The following AHCTF1 variants were observed in gnomAD, a reference collection of about 807,000 sequenced individuals.
The protein encoded by AHCTF1 is protein ELYS.
A neutral mutation model predicts 248.4 loss-of-function variants in AHCTF1; 24 were observed. The ratio of observed to expected loss-of-function variants is 0.10; its 90% CI spans 0.07 to 0.14. The LOEUF is 0.14. Among genes scored for constraint, AHCTF1 ranks in the 10% least tolerant of loss-of-function variants. The pLI, the probability that AHCTF1 is intolerant of heterozygous loss-of-function variation, is 1.00. For synonymous variants in AHCTF1, 786 were observed against 929.8 expected (o/e 0.85, Z 2.81); for missense variants, 2,206 against 2,636.2 (o/e 0.84, Z 3.57).
intron 30 of AHCTF1, among the ~76,000 whole-genome samples, chr1:246,856,741 G>C (rs930914215): frequency 1.3e-5 from 2 of 152,108 alleles, no homozygotes; most frequent in African/African-American, 4.8e-5. Context: ...TTTCCATGCA[G>C]GCCTGGCAAA....
chr1:246,843,239 G>A lies in AHCTF1; in HGVS notation c.6526-463C>T, dbSNP rs147084849. Among the ~76,000 whole-genome samples, 636 of 152,342 alleles carry A rather than the reference G, an allele frequency of 4.2e-3. 2 individuals are homozygous for A. The highest frequency in any genetic ancestry group is 7.3e-3 in the Non-Finnish European group (494 of 68,032). ...TGCCATTTACTCTGTTGGGAGGAATGCCTGTCTCCTCTAACCTCGGTCTAT... is the reference window on the plus strand; with the variant it reads ...TGCCATTTACTCTGTTGGGAGGAATACCTGTCTCCTCTAACCTCGGTCTAT... On this transcript the variant is annotated intron_variant, in intron 34 of 35. Transcript: ENST00000648844.
chr1:246,909,983 A>C (rs1665685436), intron 4 of AHCTF1, among the ~76,000 whole-genome samples: 1 of 152,250 alleles, frequency 6.6e-6, no homozygotes, highest in African/African-American at 2.4e-5. Flanking sequence ...GACAGACTTT[A>C]AAAAGGAAGG....
At chr1:246,842,590 TAAATA>T (rs1260232735) in intron 35 of AHCTF1, 99 bp downstream of exon 35, 1 of 890,850 alleles carries the variant, frequency 1.1e-6, no homozygotes, top group African/African-American at 1.8e-5. Flanking sequence ...TCAAAAAAAA[TAAATA>T]AAAATAAAAT....
At chr1:246,915,640 A>T (rs1026636593) in intron 3 of AHCTF1, among the ~76,000 whole-genome samples, 3 of 152,202 alleles carry the variant, frequency 2.0e-5, no homozygotes, top group Admixed American at 6.5e-5. Flanking sequence ...TTCTCCCACT[A>T]GACTATAAGC....
intron 8 of AHCTF1, among the ~76,000 whole-genome samples, chr1:246,900,775 T>G (rs1664938008): frequency 6.6e-6 from 1 of 152,230 alleles, no homozygotes; most frequent in African/African-American, 2.4e-5. Context: ...ATGATTTGAA[T>G]GAACAGTCTC....
intron 21 of AHCTF1, among the ~76,000 whole-genome samples, chr1:246,884,137 C>T (rs375161879): frequency 6.6e-6 from 1 of 152,080 alleles, no homozygotes; most frequent in African/African-American, 2.4e-5. Flanking sequence ...CAACAGTTAC[C>T]ACATTTAGCT....
Position 246,853,126 on chromosome 1 carries a change from T to C in AHCTF1, c.4528A>G (p.Ile1510Val). 5 of 1,609,548 alleles carry C rather than the reference T, an allele frequency of 3.1e-6. No homozygotes were observed. Among genetic ancestry groups the C allele is most frequent in the Non-Finnish European group, 4.2e-6 (5 of 1,178,594 alleles). ...SVDLPEEKLPISDSPPDTQEI... is the reference protein window; with the variant it reads ...SVDLPEEKLPVSDSPPDTQEI... ...TGAGTATCAGGAGGGCTGTCAGAAA[T>C]TGGAAGCTTTTCTTCTGGTAAGTCA... Residue 1510 changes from isoleucine (I) to valine (V), a missense_variant, in exon 32 of 36, where the codon ATT becomes GTT. Transcript: ENST00000648844.
intron 31 of AHCTF1, 129 bp from the exon 32 acceptor site, chr1:246,853,428 A>G: frequency 1.5e-6 from 1 of 667,824 alleles, no homozygotes. Context: ...CAATGCCAGA[A>G]AAGTCTGCAA....
intron 1 of AHCTF1, among the ~76,000 whole-genome samples, chr1:246,928,400 C>T (rs1292718620): frequency 6.6e-6 from 1 of 151,864 alleles, no homozygotes; most frequent in Non-Finnish European, 1.5e-5. Context: ...TATTCCTGGG[C>T]ATTCGACAAG....
chr1:246,869,317 C>T (rs753783368), intron 24 of AHCTF1, among the ~76,000 whole-genome samples: 1 of 152,150 alleles, frequency 6.6e-6, no homozygotes, highest in Admixed American at 6.5e-5. Flanking sequence ...TATCCAAAGC[C>T]AACTAATAAC....
chr1:246,869,751 A>C (rs1171062865), intron 24 of AHCTF1, among the ~76,000 whole-genome samples: 2 of 152,178 alleles, frequency 1.3e-5, no homozygotes, highest in Non-Finnish European at 2.9e-5. Flanking sequence ...CTGCTCACTG[A>C]TAATGCCCCT....
intron 29 of AHCTF1, among the ~76,000 whole-genome samples, chr1:246,858,152 G>A (rs938520274): frequency 7.9e-5 from 12 of 151,640 alleles, no homozygotes; most frequent in African/African-American, 2.9e-4. Context: ...GTAGAGACGG[G>A]GTTTCACTGT....
Position 246,918,504 on chromosome 1 carries a change from A to G in AHCTF1, c.-7-127T>C, listed in dbSNP as rs150807473. 2.1e-4 allele frequency: 202 copies of G among 974,186 alleles called. 1 individual carries two copies. In the African/African-American group the frequency reaches 3.0e-3, roughly 14 times the overall value. 60.3% of individuals were successfully genotyped at this position (974,186 alleles called of 1,614,324 possible). A position where few individuals can be genotyped will look rare whatever the true frequency, so the allele number is the denominator to read the frequency against. On this transcript the variant is annotated intron_variant, in intron 1 of 35. Transcript: ENST00000648844. ...AAGAAAAACTAAAATCTGGTTACAA[A>G]ATACATATTGGCCAGATGCGGAGGC... is the stretch of plus-strand genomic sequence containing the variant.
intron 35 of AHCTF1, 72 bp downstream of exon 35, chr1:246,842,622 G>A: frequency 9.0e-7 from 1 of 1,115,346 alleles, no homozygotes; most frequent in Non-Finnish European, 1.3e-6. Flanking sequence ...ATAAAAGGAG[G>A]ATAGTAGGGT....
chr1:246,880,975 G>T (rs1478587875), intron 21 of AHCTF1, among the ~76,000 whole-genome samples: 1 of 152,180 alleles, frequency 6.6e-6, no homozygotes, highest in African/African-American at 2.4e-5. Context: ...TGGCAATACA[G>T]CAAAGACAGA....
At chr1:246,925,780 C>A (rs1331333539) in intron 1 of AHCTF1, among the ~76,000 whole-genome samples, 1 of 152,110 alleles carries the variant, frequency 6.6e-6, no homozygotes, top group African/African-American at 2.4e-5. Flanking sequence ...AATGAATTCA[C>A]ATGAGATCTG....
intron 9 of AHCTF1, 37 bp from the exon 10 acceptor site, chr1:246,900,283 C>T (rs1199260037): frequency 6.3e-7 from 1 of 1,584,634 alleles, no homozygotes; most frequent in East Asian, 2.2e-5. Context: ...AGTCATTGGT[C>T]AGCTACACAT....
chr1:246,902,706 C>G (rs756414195), intron 7 of AHCTF1, 31 bp from the exon 8 acceptor site: 1 of 1,540,848 alleles, frequency 6.5e-7, no homozygotes. Flanking sequence ...AAATATTAAT[C>G]TGATTCTAGG....
chr1:246,865,834 G>A (rs969226940), intron 26 of AHCTF1, among the ~76,000 whole-genome samples: 7 of 152,086 alleles, frequency 4.6e-5, no homozygotes, highest in African/African-American at 1.7e-4. Flanking sequence ...TCAACCCTGA[G>A]ACCAAATATT....
Sources: allele counts gnomAD v4.1 joint callset (sites outside exome capture counted in the v4.1 genomes callset), GRCh38; gene constraint gnomAD v4.1.1; transcripts MANE v1.5; gene names NCBI Gene and HGNC (gene_info 2026-07-23, HGNC 2026-07-21).